RAB6A: variants seen among roughly 807,000 people sequenced by gnomAD.
The protein encoded by RAB6A is ras-related protein Rab-6A.
Under a neutral mutation model 32.3 loss-of-function variants are expected in RAB6A, and 8 were observed. The ratio of observed to expected loss-of-function variants is 0.25; its 90% CI spans 0.15 to 0.45. The LOEUF (loss-of-function observed/expected upper bound fraction) is 0.45, where lower values mean the gene tolerates loss of function less well. Among genes scored for constraint, RAB6A ranks in the 20% least tolerant of loss-of-function variants. The pLI is 1.00. For missense variants in RAB6A, 104 were observed against 249.4 expected (o/e 0.42, Z 3.93); for synonymous variants, 73 against 82.1 (o/e 0.89, Z 0.60).
rs2134884044 is a variant in RAB6A at position 73,691,604 on chromosome 11, T to C, written c.496-11884A>G. The stretch of plus-strand genomic sequence containing the variant: ...ATCTTTGTTATCCCAGTATCTGACA[T>C]GCAGTAGATATTTTTCAAAATGTTA... On this transcript the variant is annotated intron_variant, in intron 6 of 7. Coordinates refer to ENST00000336083, the MANE Select transcript of RAB6A (RefSeq NM_198896.2). Among the ~76,000 whole-genome samples the C allele has an allele frequency of 1.3e-5, 2 of 152,344 alleles. 1 individual carries two copies. The highest frequency in any genetic ancestry group is 4.8e-5 in the African/African-American group (2 of 41,590).
intron 1 of RAB6A, among the ~76,000 whole-genome samples, chr11:73,745,239 T>C (rs1047661085): frequency 6.6e-6 from 1 of 152,206 alleles, no homozygotes; most frequent in Non-Finnish European, 1.5e-5. Context: ...ACAAGAACTG[T>C]ATTTTTCTTG....
chr11:73,680,630 C>T (rs892957335), intron 6 of RAB6A, among the ~76,000 whole-genome samples: 4 of 149,704 alleles, frequency 2.7e-5, no homozygotes, highest in African/African-American at 9.9e-5. Flanking sequence ...CCAGCCTGGG[C>T]GACACAGCAA....
intron 5 of RAB6A, among the ~76,000 whole-genome samples, chr11:73,713,517 A>G (rs1011314148): frequency 1.1e-4 from 17 of 151,886 alleles, no homozygotes; most frequent in African/African-American, 3.9e-4. Context: ...GCAGTGAGCC[A>G]AGATTGCGCC....
intron 5 of RAB6A, among the ~76,000 whole-genome samples, chr11:73,713,989 G>A (rs920046686): frequency 4.0e-5 from 6 of 151,682 alleles, no homozygotes; most frequent in South Asian, 2.1e-4. Flanking sequence ...TCAGGAGTTC[G>A]AGACCAGCCT....
In RAB6A at chr11:73,760,606, C is replaced by T. The variant is rs535345684; in HGVS notation, c.30G>A (p.Pro10=). The T allele has an allele frequency of 1.4e-5, 22 of 1,611,408 alleles. No individual in the cohort carries two copies. In the East Asian group the frequency reaches 4.2e-4, roughly 31 times the overall value. ...GGAACACCAGCTTGAATTTCCTCAG[C>T]GGATTCCCGAAGTCTCCGCCCGTGG... MSTGGDFGN[P]LRKFKLVFLG... The change falls in exon 1 of 8, where the codon CCG becomes CCA. Residue 10 remains proline (P), a synonymous_variant. Transcript: ENST00000336083.
Position 73,744,801 on chromosome 11 carries a change from C to T in RAB6A, c.71-13978G>A, listed in dbSNP as rs1411623900. Among the ~76,000 whole-genome samples, 3 of 151,696 alleles carry T rather than the reference C, an allele frequency of 2.0e-5. No individual in the cohort carries two copies. The South Asian group carries it at 6.3e-4, about 32-fold the overall frequency. On this transcript the variant is annotated intron_variant, in intron 1 of 7. Transcript: ENST00000336083. ...ACCATCCTGGCCAACATGGTGAAAC[C>T]CCATCTCTACTAAAAATACAAAAAT... is the stretch of plus-strand genomic sequence containing the variant.
At chr11:73,733,047 A>C (rs1162464472) in intron 1 of RAB6A, among the ~76,000 whole-genome samples, 3 of 151,980 alleles carry the variant, frequency 2.0e-5, no homozygotes, top group Non-Finnish European at 4.4e-5. Context: ...TCCTGACCTC[A>C]TGATCCGCCT....
chr11:73,760,511 G>A (rs1057154578), intron 1 of RAB6A, 55 bp downstream of exon 1: 8 of 1,539,602 alleles, frequency 5.2e-6, no homozygotes, highest in African/African-American at 1.4e-5. Context: ...CCGCACCGGG[G>A]GCGGTGCGGG....
chr11:73,681,702 G>A (rs1590818618), intron 6 of RAB6A, among the ~76,000 whole-genome samples: 6 of 152,112 alleles, frequency 3.9e-5, no homozygotes, highest in Admixed American at 6.6e-5. Flanking sequence ...CCAGCTACTC[G>A]GGAGGCTGAG....
At position 73,760,817 on chromosome 11, in the gene RAB6A, C is replaced by T. The variant is rs552391982; in HGVS notation, c.-182G>A. The stretch of plus-strand genomic sequence containing the variant: ...ACTCTCCACAGACTGGCAGCCGCCG[C>T]CGCCTCCCGGCAGAGTAGCCTAGCA... On this transcript the variant is annotated 5_prime_UTR_variant, in exon 1 of 8. Transcript: ENST00000336083. The T allele has an allele frequency of 1.1e-4, 94 of 838,022 alleles. No homozygotes were observed. The African/African-American group carries it at 1.4e-3, about 13-fold the overall frequency. 51.9% of individuals were successfully genotyped at this position (838,022 alleles called of 1,614,324 possible).
intron 6 of RAB6A, among the ~76,000 whole-genome samples, chr11:73,686,288 G>T (rs1945454420): frequency 6.6e-6 from 1 of 152,082 alleles, no homozygotes. Context: ...GGGTGCAGTG[G>T]CTCACGCCTG....
At chr11:73,695,246 T>C (rs1945638206) in intron 6 of RAB6A, among the ~76,000 whole-genome samples, 2 of 152,042 alleles carry the variant, frequency 1.3e-5, no homozygotes, top group African/African-American at 4.8e-5. Flanking sequence ...GAAAAACCTA[T>C]TTCTTAAATG....
intron 1 of RAB6A, among the ~76,000 whole-genome samples, chr11:73,751,478 T>G (rs1946667947): frequency 6.6e-6 from 1 of 152,122 alleles, no homozygotes; most frequent in Non-Finnish European, 1.5e-5. Flanking sequence ...GAACCCCCAT[T>G]GACTTAGGAA....
chr11:73,710,188 G>A (rs1442182103), intron 5 of RAB6A, among the ~76,000 whole-genome samples: 3 of 148,142 alleles, frequency 2.0e-5, no homozygotes, highest in Admixed American at 6.7e-5. Context: ...GGATGGTCTC[G>A]ATCTCCGGAC....
chr11:73,731,723 TATATATATAC>T (rs1366844654), intron 1 of RAB6A, among the ~76,000 whole-genome samples: 34 of 10,056 alleles, frequency 3.4e-3, no homozygotes, highest in African/African-American at 4.1e-3. Context: ...TATATATATA[TATATATATAC>T]ACACACACAC....
chr11:73,750,644 C>T (rs1208099131), intron 1 of RAB6A, among the ~76,000 whole-genome samples: 1 of 151,710 alleles, frequency 6.6e-6, no homozygotes, highest in Non-Finnish European at 1.5e-5. Flanking sequence ...GGCATGAGCC[C>T]CCATACCAGG....
intron 1 of RAB6A, among the ~76,000 whole-genome samples, chr11:73,753,044 T>C (rs138833758): frequency 0.013 from 2,034 of 151,722 alleles, 39 homozygotes; most frequent in African/African-American, 0.047. Flanking sequence ...AGGCCAGGAG[T>C]TGGAAAGCAG....
At chr11:73,754,882 G>C (rs1946723013) in intron 1 of RAB6A, among the ~76,000 whole-genome samples, 1 of 27,938 alleles carries the variant, frequency 3.6e-5, no homozygotes, top group Non-Finnish European at 1.1e-4. Context: ...GAGGGATGCA[G>C]TCAAAAAAAA....
At position 73,722,295 on chromosome 11, in the gene RAB6A, A is replaced by ATGTGTG. The variant is rs1369309050; in HGVS notation, c.130-1402_130-1397dup. ...TTCCGTAAATAAAATTCAAATATATATGTGTGTGTGTATATATATATATAT... is the reference window on the plus strand; with the variant it reads ...TTCCGTAAATAAAATTCAAATATATATGTGTGTGTGTGTGTGTATATATATATATAT... On this transcript the variant is annotated intron_variant, in intron 2 of 7. Transcript: ENST00000336083. 5.8e-4 allele frequency: 47 copies of ATGTGTG among 80,780 alleles called. 1 individual carries two copies. The highest frequency in any genetic ancestry group is 7.5e-4 in the Non-Finnish European group (32 of 42,482). The allele number at this position is 80,780 out of a possible 1,614,324, so 5.0% of individuals were successfully genotyped here. A position where few individuals can be genotyped will look rare whatever the true frequency, so the allele number is the denominator to read the frequency against.
Sources: allele counts gnomAD v4.1 joint callset (sites outside exome capture counted in the v4.1 genomes callset), GRCh38; gene constraint gnomAD v4.1.1; transcripts MANE v1.5; gene names NCBI Gene and HGNC (gene_info 2026-07-23, HGNC 2026-07-21).